Variants in CRPPA observed in about 807,000 individuals in gnomAD.
The protein encoded by CRPPA is D-ribitol-5-phosphate cytidylyltransferase.
In CRPPA, 43 loss-of-function variants were observed where a neutral mutation model predicts 52.0. That is an observed-to-expected ratio of 0.83 (90% CI 0.65 to 1.07). CRPPA has a LOEUF of 1.07. Ranked by LOEUF, CRPPA falls within the 50% of genes least tolerant of loss-of-function variation. CRPPA has a pLI of 0.00. For missense variants in CRPPA, 629 were observed against 551.7 expected, an observed-to-expected ratio of 1.14 and a Z score of -1.40; for synonymous variants, 250 against 203.5, an observed-to-expected ratio of 1.23 and a Z score of -1.94.
chr7:16,374,057 T>C (rs1786817577), intron 3 of CRPPA, among the ~76,000 whole-genome samples: 2 of 152,066 alleles, frequency 1.3e-5, no homozygotes, highest in South Asian at 4.1e-4. Context: ...CTTGATTAGA[T>C]TAAAGGATGC....
chr7:16,219,066 A>G (rs1583440195), intron 8 of CRPPA, among the ~76,000 whole-genome samples: 1 of 152,218 alleles, frequency 6.6e-6, no homozygotes, highest in African/African-American at 2.4e-5. Context: ...AGCAAATGTA[A>G]AAGAACAGAA....
chr7:16,155,259 A>C (rs1447740925), intron 9 of CRPPA, among the ~76,000 whole-genome samples: 1 of 152,186 alleles, frequency 6.6e-6, no homozygotes, highest in Non-Finnish European at 1.5e-5. Flanking sequence ...CTTATTTTAG[A>C]GGTGCAAAAA....
intron 9 of CRPPA, among the ~76,000 whole-genome samples, chr7:16,161,574 G>A (rs1324257750): frequency 6.6e-6 from 1 of 152,166 alleles, no homozygotes. Context: ...TGTGCTGCTG[G>A]ATTCTGTTTG....
At chr7:16,229,820 C>T (rs1264853920) in intron 8 of CRPPA, among the ~76,000 whole-genome samples, 1 of 152,036 alleles carries the variant, frequency 6.6e-6, no homozygotes, top group Non-Finnish European at 1.5e-5. Flanking sequence ...TGTATCAGGT[C>T]TGGTGGTGAT....
At chr7:16,324,766 A>G (rs1785342675) in intron 3 of CRPPA, among the ~76,000 whole-genome samples, 1 of 152,262 alleles carries the variant, frequency 6.6e-6, no homozygotes. Flanking sequence ...AATTATCTCA[A>G]TAGTGAAGAT....
chr7:16,233,387 C>G (rs1299980293), intron 8 of CRPPA, among the ~76,000 whole-genome samples: 1 of 152,120 alleles, frequency 6.6e-6, no homozygotes, highest in Non-Finnish European at 1.5e-5. Context: ...GAGGAAGACA[C>G]TGTGACCCAT....
chr7:16,369,151 GA>G (rs1786683340), intron 3 of CRPPA, among the ~76,000 whole-genome samples: 2 of 152,086 alleles, frequency 1.3e-5, no homozygotes, highest in African/African-American at 4.8e-5. Context: ...ATTCAGCTGG[GA>G]GCATCGGCAA....
intron 9 of CRPPA, among the ~76,000 whole-genome samples, chr7:16,136,499 G>GTAT (rs1782764842): frequency 6.6e-6 from 1 of 152,134 alleles, no homozygotes; most frequent in East Asian, 1.9e-4. Context: ...TGACAATGTT[G>GTAT]TATCCATTTT....
chr7:16,400,349 G>T (rs1254723509), intron 2 of CRPPA, among the ~76,000 whole-genome samples: 1 of 152,218 alleles, frequency 6.6e-6, no homozygotes, highest in African/African-American at 2.4e-5. Flanking sequence ...TGATTGACAT[G>T]ATTGACACAT....
At chr7:16,257,066 G>T (rs1416459098) in intron 8 of CRPPA, among the ~76,000 whole-genome samples, 1 of 152,070 alleles carries the variant, frequency 6.6e-6, no homozygotes, top group African/African-American at 2.4e-5. Flanking sequence ...CTAGCAGTGT[G>T]CTAGAAACTA....
At chr7:16,265,000 G>T (rs149191297) in intron 6 of CRPPA, among the ~76,000 whole-genome samples, 1 of 152,114 alleles carries the variant, frequency 6.6e-6, no homozygotes, top group African/African-American at 2.4e-5. Flanking sequence ...ATTTATATGA[G>T]GATTGGCTAA....
intron 5 of CRPPA, among the ~76,000 whole-genome samples, chr7:16,288,538 A>G (rs922097134): frequency 3.3e-5 from 5 of 152,092 alleles, no homozygotes; most frequent in African/African-American, 9.7e-5. Context: ...ACAACTAAAC[A>G]AAATAAAGAC....
At chr7:16,202,374 A>C (rs1355031228) in intron 9 of CRPPA, among the ~76,000 whole-genome samples, 1 of 152,200 alleles carries the variant, frequency 6.6e-6, no homozygotes. Context: ...CATTAAATGA[A>C]AAAGTACTAC....
chr7:16,310,360 C>T (rs751444877), intron 3 of CRPPA, among the ~76,000 whole-genome samples: 2 of 152,078 alleles, frequency 1.3e-5, no homozygotes, highest in African/African-American at 2.4e-5. Flanking sequence ...GAGAAACACA[C>T]AGTCAACACG....
At chr7:16,356,149 A>G (rs1324941179) in intron 3 of CRPPA, among the ~76,000 whole-genome samples, 1 of 152,234 alleles carries the variant, frequency 6.6e-6, no homozygotes, top group Non-Finnish European at 1.5e-5. Context: ...ATCTAAAAGT[A>G]TCTACATAGA....
chr7:16,280,957 T>A (rs943251417), intron 5 of CRPPA, among the ~76,000 whole-genome samples: 3 of 152,004 alleles, frequency 2.0e-5, no homozygotes, highest in African/African-American at 7.3e-5. Context: ...GAGGCAGAGG[T>A]TGCACTGAGC....
chr7:16,205,557 A>C (rs962948624), intron 9 of CRPPA, among the ~76,000 whole-genome samples: 2 of 152,134 alleles, frequency 1.3e-5, no homozygotes, highest in Non-Finnish European at 2.9e-5. Context: ...TTTGCCACTG[A>C]ATGTTTTAAT....
chr7:16,172,708 A>G (rs538405867), intron 9 of CRPPA, among the ~76,000 whole-genome samples: 1 of 152,332 alleles, frequency 6.6e-6, no homozygotes, highest in South Asian at 2.1e-4. Flanking sequence ...ATAGGCATGT[A>G]GGTAATTGAC....
intron 3 of CRPPA, among the ~76,000 whole-genome samples, chr7:16,369,744 G>C (rs1322294995): frequency 2.0e-5 from 3 of 152,146 alleles, no homozygotes; most frequent in Non-Finnish European, 4.4e-5. Context: ...GACAGAATAG[G>C]GGGTAGAGAT....
Sources: gnomAD v4.1 joint callset for allele counts (sites outside exome capture counted in the v4.1 genomes callset) on GRCh38, gnomAD v4.1.1 for gene constraint, MANE v1.5 for transcripts, NCBI Gene and HGNC (gene_info 2026-07-23, HGNC 2026-07-21) for gene names.